EDA: variants seen among roughly 807,000 people sequenced by gnomAD.
EDA encodes the protein ectodysplasin-A.
A neutral mutation model predicts 23.6 loss-of-function variants in EDA; 2 were observed. That is an observed-to-expected ratio of 0.08 (90% CI 0.03 to 0.27). The LOEUF is 0.27. EDA is among the 10% of genes least tolerant of loss of function. The probability of loss-of-function intolerance (pLI) is 1.00; values close to 1 mark genes in which losing one functional copy is unlikely to be tolerated. For missense variants in EDA, 229 were observed against 324.2 expected (o/e 0.71, Z 2.26); for synonymous variants, 131 against 132.0 (o/e 0.99, Z 0.05).
At chrX:69,935,440 T>C (rs1481567129) in intron 1 of EDA, among the ~76,000 whole-genome samples, 1 of 111,985 alleles carries the variant, frequency 8.9e-6, no homozygotes. Flanking sequence ...ATTCTCCACA[T>C]CCTCATCAGC....
chrX:69,838,653 A>G (rs2016831917), intron 1 of EDA, among the ~76,000 whole-genome samples: 1 of 112,222 alleles, frequency 8.9e-6, no homozygotes, highest in Non-Finnish European at 1.9e-5. Flanking sequence ...AAACAAATAA[A>G]CATCTGGAAT....
chrX:69,685,858 C>A (rs1047556435), intron 1 of EDA, among the ~76,000 whole-genome samples: 21 of 112,520 alleles, frequency 1.9e-4, no homozygotes, highest in Admixed American at 9.4e-5. Context: ...TCCTTATAAT[C>A]TCAACAAATA....
intron 1 of EDA, among the ~76,000 whole-genome samples, chrX:69,886,767 C>T (rs939281904): frequency 9.9e-5 from 11 of 111,305 alleles, no homozygotes; most frequent in Non-Finnish European, 1.9e-4. Context: ...CTGTGGACCC[C>T]AATTGCAGAC....
chrX:69,621,899 CCTCATTTTTAATTTTTTATAGG>C (rs199633745), intron 1 of EDA, among the ~76,000 whole-genome samples: 1,580 of 110,288 alleles, frequency 0.014, 30 homozygotes, highest in African/African-American at 0.051. Flanking sequence ...TGCCACCATG[CCTCATTTTTAATTTTTTATAGG>C]CTCATTTTTA....
chrX:70,024,907 CA>C (rs1361101758), intron 3 of EDA, among the ~76,000 whole-genome samples: 1 of 112,057 alleles, frequency 8.9e-6, no homozygotes, highest in African/African-American at 3.2e-5. Flanking sequence ...TTTCTAAGTA[CA>C]AACGTCTCTG....
At chrX:69,719,848 C>T (rs967381167) in intron 1 of EDA, among the ~76,000 whole-genome samples, 3 of 109,956 alleles carry the variant, frequency 2.7e-5, no homozygotes, top group Non-Finnish European at 3.8e-5. Context: ...CTCCCAGGTT[C>T]AAGCAAGTCT....
intron 3 of EDA, among the ~76,000 whole-genome samples, chrX:70,023,655 T>G (rs774898466): frequency 9.4e-6 from 1 of 106,601 alleles, no homozygotes; most frequent in South Asian, 4.2e-4. Flanking sequence ...ATCCTTTTTT[T>G]CCTCCTTTAT....
At chrX:69,826,738 CATT>C (rs1404507869) in intron 1 of EDA, among the ~76,000 whole-genome samples, 12 of 109,046 alleles carry the variant, frequency 1.1e-4, no homozygotes, top group African/African-American at 4.0e-4. Context: ...TTGATCCTGT[CATT>C]ATGATGTTAG....
chrX:69,932,967 C>A (rs1208252948), intron 1 of EDA, among the ~76,000 whole-genome samples: 1 of 109,162 alleles, frequency 9.2e-6, no homozygotes, highest in Non-Finnish European at 1.9e-5. Context: ...TATACTTAGA[C>A]CTTTATTTCT....
intron 1 of EDA, among the ~76,000 whole-genome samples, chrX:69,827,551 C>G (rs2016483443): frequency 8.9e-6 from 1 of 112,037 alleles, no homozygotes; most frequent in Non-Finnish European, 1.9e-5. Context: ...TCAGCTCCAT[C>G]AACTCCTTTA....
chrX:69,714,513 A>T (rs1367417030), intron 1 of EDA, among the ~76,000 whole-genome samples: 1 of 111,722 alleles, frequency 9.0e-6, no homozygotes, highest in Non-Finnish European at 1.9e-5. Flanking sequence ...CTGTTTTTAA[A>T]AAAGGTTTTA....
At position 69,710,062 on chromosome X, in the gene EDA, G is replaced by A. The variant is rs746510345; in HGVS notation, c.396+93358G>A. ...TTGCTTTTGGTGTTTTATACTTGAA[G>A]TCCTTGCCCATGCCTATGTCCTGAA... On this transcript the variant is annotated intron_variant, in intron 1 of 7. Transcript: ENST00000374552. Among the ~76,000 whole-genome samples the A allele has an allele frequency of 2.2e-4, 25 of 111,753 alleles. 1 individual carries two copies. The highest frequency in any genetic ancestry group is 8.1e-4 in the African/African-American group (25 of 30,790).
chrX:69,780,847 T>C (rs897055676), intron 1 of EDA, among the ~76,000 whole-genome samples: 1 of 110,982 alleles, frequency 9.0e-6, no homozygotes, highest in East Asian at 2.8e-4. Context: ...TGTGAGTCAA[T>C]TAAACCTCTT....
intron 1 of EDA, among the ~76,000 whole-genome samples, chrX:69,826,018 A>T (rs1425816895): frequency 9.3e-6 from 1 of 107,889 alleles, no homozygotes; most frequent in African/African-American, 3.4e-5. Context: ...TTTGAGTGAC[A>T]TTCTTAATCC....
rs574254159 is a variant in EDA at position 69,647,574 on chromosome X, G to T, written c.396+30870G>T. On this transcript the variant is annotated intron_variant, in intron 1 of 7. Transcript: ENST00000374552. ...GTTCCTCTCTAAACTGGCTCTTCTG[G>T]CTATCAGCTCCTGTATTGTTTTATC... 1.5e-4 allele frequency among the ~76,000 whole-genome samples: 17 copies of T among 111,489 alleles called. No homozygotes were observed. The South Asian group carries it at 5.0e-3, about 32-fold the overall frequency.
chrX:69,874,300 G>A (rs1282705933), intron 1 of EDA, among the ~76,000 whole-genome samples: 2 of 109,229 alleles, frequency 1.8e-5, no homozygotes, highest in East Asian at 2.9e-4. Flanking sequence ...CAAAAAGAGC[G>A]AAACTCTGCC....
intron 2 of EDA, among the ~76,000 whole-genome samples, chrX:69,993,288 C>G (rs1024418921): frequency 1.8e-5 from 2 of 110,736 alleles, no homozygotes; most frequent in African/African-American, 6.5e-5. Flanking sequence ...ATTACAGGTA[C>G]CCCAAATAAA....
chrX:69,768,523 A>G (rs1438543942), intron 1 of EDA, among the ~76,000 whole-genome samples: 1 of 110,837 alleles, frequency 9.0e-6, no homozygotes, highest in East Asian at 2.8e-4. Flanking sequence ...GAGCAGATCT[A>G]TTTCTCGGTT....
chrX:69,900,444 AC>A (rs2018082081), intron 1 of EDA, among the ~76,000 whole-genome samples: 2 of 107,870 alleles, frequency 1.9e-5, no homozygotes, highest in Non-Finnish European at 3.8e-5. Flanking sequence ...ATATTTTAAT[AC>A]ATATTTTATC....
Sources: gnomAD v4.1 joint callset for allele counts (sites outside exome capture counted in the v4.1 genomes callset) on GRCh38, gnomAD v4.1.1 for gene constraint, MANE v1.5 for transcripts, NCBI Gene and HGNC (gene_info 2026-07-23, HGNC 2026-07-21) for gene names.